Variants in AGTPBP1 observed in about 807,000 individuals in gnomAD.
AGTPBP1 encodes the protein ATP/GTP binding carboxypeptidase 1, also known as cytosolic carboxypeptidase 1.
In AGTPBP1, 70 loss-of-function variants were observed where a neutral mutation model predicts 143.9. The ratio of observed to expected loss-of-function variants is 0.49; its 90% CI spans 0.40 to 0.59. AGTPBP1 has a LOEUF of 0.59. Ranked by LOEUF, AGTPBP1 falls within the 20% of genes least tolerant of loss-of-function variation. The pLI is 0.00. For missense variants in AGTPBP1, 1,229 were observed against 1,464.5 expected (o/e 0.84, Z 2.62); for synonymous variants, 463 against 500.2 (o/e 0.93, Z 0.99).
intron 17 of AGTPBP1, among the ~76,000 whole-genome samples, chr9:85,611,155 C>CTTTTTTTTTT (rs56023115): frequency 2.7e-5 from 3 of 112,756 alleles, no homozygotes; most frequent in Non-Finnish European, 3.6e-5. Context: ...AGGGGCTTTT[C>CTTTTTTTTTT]TTTTTTTTTT....
rs1387281487 is a variant in AGTPBP1, at chr9:85,657,539, G to A, written c.805C>T (p.Arg269Trp). 7 of 1,613,792 alleles carry A rather than the reference G, an allele frequency of 4.3e-6. No homozygotes were observed. Among genetic ancestry groups the A allele is most frequent in the Non-Finnish European group, 5.9e-6 (7 of 1,179,860 alleles). ...TTTAAACTCTGTAAAATTCCTTTCCGAATGAGCATGTTTCTATGCCGGTTA... is the reference window on the plus strand; with the variant it reads ...TTTAAACTCTGTAAAATTCCTTTCCAAATGAGCATGTTTCTATGCCGGTTA... ...HDNRHRNMLI[R>W]KGILQSLKSV... is the part of the protein sequence containing the mutation. Residue 269 changes from arginine to tryptophan, a missense_variant, in exon 10 of 26, where the codon CGG becomes TGG. Physicochemically the swap from Arg to Trp is moderately radical, Grantham distance 101. Coordinates refer to ENST00000357081, the MANE Select transcript of AGTPBP1 (RefSeq NM_001330701.2).
the AGTPBP1 span, among the ~76,000 whole-genome samples, chr9:85,780,547 A>C: frequency 6.6e-6 from 1 of 151,790 alleles, no homozygotes; most frequent in Non-Finnish European, 1.5e-5. Context: ...TAAAGCAGCC[A>C]ATGAACAGAG....
Position 85,630,391 on chromosome 9 carries a change from C to CTTATTTATTTATTTATTTATTTAT in AGTPBP1, c.2015+2270_2015+2271insATAAATAAATAAATAAATAAATAA, listed in dbSNP as rs201466007. On this transcript the variant is annotated intron_variant, in intron 14 of 25. Coordinates refer to ENST00000357081, the MANE Select transcript of AGTPBP1 (RefSeq NM_001330701.2). ...CAGGATTGACTTACTTACTTACTTA[C>CTTATTTATTTATTTATTTATTTAT]TTATTTATTTAGTTATTTATTTATT... is the stretch of plus-strand genomic sequence containing the variant. Among the ~76,000 whole-genome samples, 344 of 151,484 alleles carry CTTATTTATTTATTTATTTATTTAT rather than the reference C, an allele frequency of 2.3e-3. 3 individuals are homozygous for CTTATTTATTTATTTATTTATTTAT. Among genetic ancestry groups the CTTATTTATTTATTTATTTATTTAT allele is most frequent in the African/African-American group, 8.0e-3 (327 of 41,016 alleles).
At chr9:85,780,516 T>A in the AGTPBP1 span, among the ~76,000 whole-genome samples, 51 of 151,152 alleles carry the variant, frequency 3.4e-4, no homozygotes, top group South Asian at 0.011. Context: ...CAGTTCCTGA[T>A]ATAAACTTTA....
At position 85,632,947 on chromosome 9, in the gene AGTPBP1, C is replaced by G. The variant is rs1328472518; in HGVS notation, c.1730G>C (p.Cys577Ser). Residue 577 changes from cysteine (C) to serine (S), a missense_variant, in exon 14 of 26, where the codon TGT becomes TCT. Cys to Ser is a moderately radical substitution (Grantham distance 112). This residue lies in a region of AGTPBP1 where 743 missense variants were observed against 812.2 expected (regional missense o/e 0.91). Coordinates refer to ENST00000357081, the MANE Select transcript of AGTPBP1 (RefSeq NM_001330701.2). ...TCTTCCCTCAAACAGAACATTTCCACAAGTAGCCATGTGTGGACATGCTTT... is the reference window on the plus strand; with the variant it reads ...TCTTCCCTCAAACAGAACATTTCCAGAAGTAGCCATGTGTGGACATGCTTT... The part of the protein sequence containing the change: ...CAKACPHMAT[C>S]GNVLFEGRTV... 6.2e-7 allele frequency: 1 copy of G among 1,614,018 alleles called. No homozygotes were observed. Among genetic ancestry groups the G allele is most frequent in the East Asian group, 2.2e-5 (1 of 44,890 alleles).
At chr9:85,645,574 A>T (rs1296025297) in intron 12 of AGTPBP1, among the ~76,000 whole-genome samples, 1 of 152,172 alleles carries the variant, frequency 6.6e-6, no homozygotes, top group Non-Finnish European at 1.5e-5. Context: ...AAGTGAATCG[A>T]ATACTCAGTG....
At chr9:85,681,058 C>A (rs530269735) in intron 4 of AGTPBP1, among the ~76,000 whole-genome samples, 23 of 152,100 alleles carry the variant, frequency 1.5e-4, no homozygotes, top group Admixed American at 9.2e-4. Context: ...AATATTTATA[C>A]CACCATTCCA....
At chr9:85,753,561 G>T in the AGTPBP1 span, 1 of 1,093,370 alleles carries the variant, frequency 9.1e-7, no homozygotes, top group Non-Finnish European at 1.3e-6. Context: ...CGACCAGCCT[G>T]GTCAACATGG....
chr9:85,764,932 C>T, the AGTPBP1 span: 39 of 999,198 alleles, frequency 3.9e-5, no homozygotes, highest in Non-Finnish European at 5.5e-5. Flanking sequence ...TGAAGTAAGT[C>T]AGTATTCTTT....
At chr9:85,653,985 T>C (rs1833331089) in intron 11 of AGTPBP1, among the ~76,000 whole-genome samples, 1 of 152,236 alleles carries the variant, frequency 6.6e-6, no homozygotes, top group Non-Finnish European at 1.5e-5. Flanking sequence ...ATAATCCATT[T>C]TGATATGTTG....
Position 85,619,060 on chromosome 9 carries a change from A to C in AGTPBP1, c.2258T>G (p.Val753Gly). 1 of 1,613,862 alleles carries C rather than the reference A, an allele frequency of 6.2e-7. No individual in the cohort carries two copies. The highest frequency in any genetic ancestry group is 8.5e-7 in the Non-Finnish European group (1 of 1,179,846). Residue 753 changes from valine (V) to glycine (G), a missense_variant, in exon 17 of 26, where the codon GTC becomes GGC. Transcript: ENST00000357081. ...NHYHQWFYFE[V>G]SGMRPGVAYR... ...AGCAACACCTGGTCGCATTCCACTGACTTCAAAGTAAAACCACTGATGATA... is the reference window on the plus strand; with the variant it reads ...AGCAACACCTGGTCGCATTCCACTGCCTTCAAAGTAAAACCACTGATGATA...
intron 3 of AGTPBP1, among the ~76,000 whole-genome samples, chr9:85,682,460 A>C (rs1350185745): frequency 6.6e-6 from 1 of 152,208 alleles, no homozygotes; most frequent in Non-Finnish European, 1.5e-5. Flanking sequence ...TGAAAAGACC[A>C]GGTCATCACT....
At chr9:85,699,134 T>C (rs183678704) in intron 2 of AGTPBP1, among the ~76,000 whole-genome samples, 160 of 152,260 alleles carry the variant, frequency 1.1e-3, no homozygotes, top group Middle Eastern at 3.4e-3. Context: ...ATGCATATTT[T>C]TTTAAATAAT....
chr9:85,785,678 C>A, the AGTPBP1 span: 1 of 165,066 alleles, frequency 6.1e-6, no homozygotes, highest in Non-Finnish European at 1.3e-5. Context: ...ACATATAATG[C>A]CAAGTCCCAG....
At chr9:85,756,956 G>C in the AGTPBP1 span, among the ~76,000 whole-genome samples, 1 of 137,028 alleles carries the variant, frequency 7.3e-6, no homozygotes, top group Non-Finnish European at 1.5e-5. Context: ...TGGGGGATTG[G>C]GCGGGGGAAA....
At chr9:85,748,105 A>G in the AGTPBP1 span, among the ~76,000 whole-genome samples, 1 of 152,092 alleles carries the variant, frequency 6.6e-6, no homozygotes, top group Non-Finnish European at 1.5e-5. Flanking sequence ...TCATTCTCTT[A>G]TCCTCTCCAC....
At chr9:85,688,245 T>A (rs1183230255) in intron 3 of AGTPBP1, among the ~76,000 whole-genome samples, 1 of 151,082 alleles carries the variant, frequency 6.6e-6, no homozygotes, top group African/African-American at 2.4e-5. Context: ...TTTAAAAATA[T>A]CAACAAAATT....
At position 85,718,825 on chromosome 9, in the gene AGTPBP1, C is replaced by T. The variant is rs117322052; in HGVS notation, c.-33-6259G>A. ...AGGTCTTACACTTAAGTCTTTAAAC[C>T]ATCGTGAGTTAATTTTTGTATAAGG... On this transcript the variant is annotated intron_variant, in intron 1 of 25. Coordinates refer to ENST00000357081, the MANE Select transcript of AGTPBP1 (RefSeq NM_001330701.2). Among the ~76,000 whole-genome samples the T allele has an allele frequency of 9.6e-4, 146 of 152,166 alleles. 4 individuals carry two copies. In the East Asian group the frequency reaches 0.026, roughly 27 times the overall value.
At chr9:85,731,493 T>C (rs1838878224) in intron 1 of AGTPBP1, among the ~76,000 whole-genome samples, 1 of 152,122 alleles carries the variant, frequency 6.6e-6, no homozygotes, top group Non-Finnish European at 1.5e-5. Context: ...ACGGTCTTGC[T>C]CTGTCACCCA....
Sources: gnomAD v4.1 joint callset for allele counts (sites outside exome capture counted in the v4.1 genomes callset) on GRCh38, gnomAD v4.1.1 for gene constraint, gnomAD v4.1.1 regional missense constraint, MANE v1.5 for transcripts, NCBI Gene and HGNC (gene_info 2026-07-23, HGNC 2026-07-21) for gene names.